SERPINI1: variants seen among roughly 807,000 people sequenced by gnomAD.
The protein encoded by SERPINI1 is neuroserpin.
Under a neutral mutation model 41.1 loss-of-function variants are expected in SERPINI1, and 19 were observed. The ratio of observed to expected loss-of-function variants is 0.46; its 90% CI spans 0.32 to 0.68. The LOEUF (loss-of-function observed/expected upper bound fraction) is 0.68, where lower values mean the gene tolerates loss of function less well. Ranked by LOEUF, SERPINI1 falls within the 30% of genes least tolerant of loss-of-function variation. The pLI is 0.03. For missense variants in SERPINI1, 460 were observed against 479.2 expected, an observed-to-expected ratio of 0.96 and a Z score of 0.37; for synonymous variants, 138 against 156.6, an observed-to-expected ratio of 0.88 and a Z score of 0.89.
chr3:167,794,555 T>A (rs1428539232), intron 4 of SERPINI1, 65 bp from the exon 5 acceptor site: 13 of 1,365,024 alleles, frequency 9.5e-6, no homozygotes, highest in Non-Finnish European at 1.2e-5. Context: ...TAGTCTTTCA[T>A]CTCTCGCCCC....
chr3:167,812,704 A>G lies in SERPINI1; in HGVS notation c.979+5363A>G, dbSNP rs3792295. Among the ~76,000 whole-genome samples the G allele has an allele frequency of 2.5e-4, 38 of 152,358 alleles. No individual in the cohort carries two copies. The East Asian group carries it at 4.6e-3, about 19-fold the overall frequency. Reference sequence around the variant, plus strand: ...GGACCTACTGAATGAAGAAATGAATAAAATGAGATGCTCGATATTTATTAC... The same window carrying G: ...GGACCTACTGAATGAAGAAATGAATGAAATGAGATGCTCGATATTTATTAC... On this transcript the variant is annotated intron_variant, in intron 6 of 8. Coordinates refer to ENST00000446050, the MANE Select transcript of SERPINI1 (RefSeq NM_001122752.2).
At chr3:167,790,651 C>T (rs2108557277) in intron 3 of SERPINI1, 49 bp downstream of exon 3, 1 of 1,331,878 alleles carries the variant, frequency 7.5e-7, no homozygotes, top group Non-Finnish European at 1.1e-6. Context: ...TTTTAACTGT[C>T]TTTAACTTCT....
chr3:167,806,237 C>A (rs1450099429), intron 5 of SERPINI1, among the ~76,000 whole-genome samples: 1 of 152,000 alleles, frequency 6.6e-6, no homozygotes, highest in Non-Finnish European at 1.5e-5. Flanking sequence ...AAACCAAGCA[C>A]CGGATGTTCT....
At chr3:167,777,490 G>A (rs1726998343) in intron 1 of SERPINI1, among the ~76,000 whole-genome samples, 1 of 152,022 alleles carries the variant, frequency 6.6e-6, no homozygotes, top group Non-Finnish European at 1.5e-5. Flanking sequence ...AATATTCTTG[G>A]AGGTTTACAG....
intron 1 of SERPINI1, among the ~76,000 whole-genome samples, chr3:167,782,181 A>G (rs950208190): frequency 1.3e-5 from 2 of 152,104 alleles, no homozygotes; most frequent in African/African-American, 4.8e-5. Context: ...TGTGAAAGTA[A>G]CTCATTTGAG....
intron 6 of SERPINI1, among the ~76,000 whole-genome samples, chr3:167,808,175 A>C (rs1430011287): frequency 6.8e-6 from 1 of 147,696 alleles, no homozygotes; most frequent in Non-Finnish European, 1.5e-5. Flanking sequence ...GGTTTTAAAG[A>C]AGTAACTTCA....
At chr3:167,738,969 T>C (rs1725576088) in intron 1 of SERPINI1, among the ~76,000 whole-genome samples, 1 of 151,944 alleles carries the variant, frequency 6.6e-6, no homozygotes, top group South Asian at 2.1e-4. Flanking sequence ...GTTTTGCCCC[T>C]TTAAAATAAT....
intron 1 of SERPINI1, among the ~76,000 whole-genome samples, chr3:167,736,584 TG>T (rs1725452837): frequency 6.6e-6 from 1 of 152,166 alleles, no homozygotes; most frequent in Non-Finnish European, 1.5e-5. Context: ...AACGAGTACA[TG>T]GAAAGCTGTG....
intron 5 of SERPINI1, among the ~76,000 whole-genome samples, chr3:167,801,266 A>G (rs1727890201): frequency 6.6e-6 from 1 of 152,204 alleles, no homozygotes; most frequent in Admixed American, 6.5e-5. Context: ...TCAAACCTCT[A>G]CCCTCCATAT....
chr3:167,810,212 A>G (rs1164319051), intron 6 of SERPINI1, among the ~76,000 whole-genome samples: 1 of 151,872 alleles, frequency 6.6e-6, no homozygotes, highest in Non-Finnish European at 1.5e-5. Context: ...TATCATTTTC[A>G]TATGTCTAGT....
rs761653020 is a variant in SERPINI1 at position 167,776,975 on chromosome 3, G to A, written c.-18-12136G>A. Reference sequence around the variant, plus strand: ...CCAGTTTTAGTAAGAATCCTGCTGAGTCAGTATAGCGAGAATCCCCTAGTC... The same window carrying A: ...CCAGTTTTAGTAAGAATCCTGCTGAATCAGTATAGCGAGAATCCCCTAGTC... On this transcript the variant is annotated intron_variant, in intron 1 of 8. Coordinates refer to ENST00000446050, the MANE Select transcript of SERPINI1 (RefSeq NM_001122752.2). Among the ~76,000 whole-genome samples the A allele has an allele frequency of 6.6e-5, 10 of 152,178 alleles. 1 individual carries two copies. The highest frequency in any genetic ancestry group is 2.0e-4 in the Admixed American group (3 of 15,282).
intron 5 of SERPINI1, among the ~76,000 whole-genome samples, chr3:167,803,492 G>T (rs909468720): frequency 1.3e-5 from 2 of 152,034 alleles, no homozygotes; most frequent in Admixed American, 6.6e-5. Context: ...ACTCCTCGTT[G>T]CATGCCTCCT....
At chr3:167,790,310 A>T in intron 2 of SERPINI1, 62 bp from the exon 3 acceptor site, 3 of 1,255,876 alleles carry the variant, frequency 2.4e-6, no homozygotes, top group Non-Finnish European at 2.3e-6. Context: ...ATGCTCCTCC[A>T]CTCTCCTTGA....
At chr3:167,771,895 T>C (rs1307559552) in intron 1 of SERPINI1, among the ~76,000 whole-genome samples, 1 of 152,230 alleles carries the variant, frequency 6.6e-6, no homozygotes, top group African/African-American at 2.4e-5. Context: ...AGAGTCGGTC[T>C]TTTACAGGGA....
chr3:167,825,560 G>A lies in SERPINI1; in HGVS notation c.*237G>A, dbSNP rs1712492436. ...GTTGTTTAAAATAAAAGTACCTATT[G>A]AACATGTGACTAGATCTATTTTTTT... is the stretch of plus-strand genomic sequence containing the variant. On this transcript the variant is annotated 3_prime_UTR_variant, in exon 9 of 9. Coordinates refer to ENST00000446050, the MANE Select transcript of SERPINI1 (RefSeq NM_001122752.2). 2 of 472,766 alleles carry A rather than the reference G, an allele frequency of 4.2e-6. No homozygotes were observed. Among genetic ancestry groups the A allele is most frequent in the East Asian group, 7.6e-5 (2 of 26,172 alleles). The allele number at this position is 472,766 out of a possible 1,614,324, so 29.3% of individuals were successfully genotyped here. A position where few individuals can be genotyped will look rare whatever the true frequency, so the allele number is the denominator to read the frequency against.
In SERPINI1 at chr3:167,821,144, A is replaced by G. The variant is rs528426600; in HGVS notation, c.980-1842A>G. 7.2e-5 allele frequency among the ~76,000 whole-genome samples: 11 copies of G among 152,178 alleles called. No homozygotes were observed. The South Asian group carries it at 1.7e-3, about 23-fold the overall frequency. ...CCTTGCTCACCCTCCACTTGTCTAC[A>G]TGCCTCATTCTTCCTGGATGTGAGA... On this transcript the variant is annotated intron_variant, in intron 6 of 8. Coordinates refer to ENST00000446050, the MANE Select transcript of SERPINI1 (RefSeq NM_001122752.2).
intron 1 of SERPINI1, among the ~76,000 whole-genome samples, chr3:167,756,588 G>A (rs374222716): frequency 6.6e-6 from 1 of 152,128 alleles, no homozygotes. Context: ...GGAATTACAG[G>A]CATAAGCCGC....
At chr3:167,793,596 A>ATATATTTTTTTTTTT in intron 4 of SERPINI1, among the ~76,000 whole-genome samples, 29 of 140,614 alleles carry the variant, frequency 2.1e-4, no homozygotes, top group African/African-American at 7.4e-4. Flanking sequence ...ATATATATAT[A>ATATATTTTTTTTTTT]TTTTTAATTA....
chr3:167,821,883 G>T (rs1476330744), intron 6 of SERPINI1, among the ~76,000 whole-genome samples: 3 of 152,198 alleles, frequency 2.0e-5, no homozygotes, highest in South Asian at 2.1e-4. Flanking sequence ...TCTTCAGGTA[G>T]AGACCTGGAA....
Sources: allele counts gnomAD v4.1 joint callset (sites outside exome capture counted in the v4.1 genomes callset), GRCh38; gene constraint gnomAD v4.1.1; transcripts MANE v1.5; gene names NCBI Gene and HGNC (gene_info 2026-07-23, HGNC 2026-07-21).